Variants in MAP7 observed in about 807,000 individuals in gnomAD.
The protein encoded by MAP7 is microtubule associated protein 7.
A neutral mutation model predicts 94.8 loss-of-function variants in MAP7; 52 were observed. That is an observed-to-expected ratio of 0.55 (90% CI 0.44 to 0.69). MAP7 has a LOEUF of 0.69. Ranked by LOEUF, MAP7 falls within the 30% of genes least tolerant of loss-of-function variation. The pLI is 0.00. For synonymous variants in MAP7, 350 were observed against 357.0 expected (o/e 0.98, Z 0.22); for missense variants, 940 against 964.6 (o/e 0.97, Z 0.34).
At chr6:136,501,443 G>A (rs73777916) in intron 1 of MAP7, among the ~76,000 whole-genome samples, 6,627 of 152,132 alleles carry the variant, frequency 0.044, 455 homozygotes, top group African/African-American at 0.15. Context: ...TGTAAAATGG[G>A]GTAAATACCT....
intron 2 of MAP7, among the ~76,000 whole-genome samples, chr6:136,416,154 T>C (rs1789333275): frequency 6.6e-6 from 1 of 152,198 alleles, no homozygotes. Flanking sequence ...TCGGGCTGTA[T>C]GTGGTAGAAA....
intron 1 of MAP7, among the ~76,000 whole-genome samples, chr6:136,541,922 G>A (rs1829355753): frequency 6.6e-6 from 1 of 152,128 alleles, no homozygotes; most frequent in African/African-American, 2.4e-5. Context: ...AGCTGGGCAT[G>A]GTGGTGGGCA....
chr6:136,427,476 T>C (rs560186590), intron 1 of MAP7, among the ~76,000 whole-genome samples: 10 of 152,348 alleles, frequency 6.6e-5, no homozygotes, highest in African/African-American at 2.4e-4. Context: ...ATGTCAAAAA[T>C]AGTGCAGTCT....
intron 1 of MAP7, among the ~76,000 whole-genome samples, chr6:136,454,831 C>T (rs776967786): frequency 1.3e-5 from 2 of 151,864 alleles, no homozygotes; most frequent in Non-Finnish European, 2.9e-5. Context: ...CTCAGGAGTT[C>T]GGGACTACAG....
chr6:136,359,359 A>G (rs934309870), intron 15 of MAP7, among the ~76,000 whole-genome samples: 34 of 152,220 alleles, frequency 2.2e-4, no homozygotes, highest in Admixed American at 1.3e-3. Context: ...GATAAATAAC[A>G]TTTAAATCAT....
intron 1 of MAP7, among the ~76,000 whole-genome samples, chr6:136,541,521 T>C (rs755164034): frequency 3.3e-5 from 5 of 152,172 alleles, no homozygotes; most frequent in Admixed American, 2.0e-4. Flanking sequence ...TAAAGATATA[T>C]CATTTACTAA....
intron 3 of MAP7, among the ~76,000 whole-genome samples, chr6:136,398,380 G>A (rs1416725585): frequency 6.6e-6 from 1 of 152,162 alleles, no homozygotes; most frequent in East Asian, 1.9e-4. Flanking sequence ...TACATTGCAG[G>A]GATTCAATAA....
intron 5 of MAP7, among the ~76,000 whole-genome samples, chr6:136,387,745 T>G (rs1246486210): frequency 6.6e-6 from 1 of 150,790 alleles, no homozygotes; most frequent in Non-Finnish European, 1.5e-5. Context: ...TCAAAGCAAA[T>G]TTAAAAAAAA....
At chr6:136,468,992 GT>G (rs964945139) in intron 1 of MAP7, among the ~76,000 whole-genome samples, 63 of 146,656 alleles carry the variant, frequency 4.3e-4, no homozygotes, top group Middle Eastern at 3.5e-3. Flanking sequence ...GTTTTTTGTT[GT>G]TTTTTTTTTT....
intron 3 of MAP7, among the ~76,000 whole-genome samples, chr6:136,402,539 G>T (rs1382294094): frequency 6.6e-6 from 1 of 152,170 alleles, no homozygotes; most frequent in East Asian, 1.9e-4. Context: ...TGGGGTTGAG[G>T]TGCTAGAATA....
intron 1 of MAP7, among the ~76,000 whole-genome samples, chr6:136,450,092 G>A (rs1348422837): frequency 6.6e-6 from 1 of 152,196 alleles, no homozygotes; most frequent in Non-Finnish European, 1.5e-5. Context: ...AGAAGGCTGA[G>A]GCAGTAGCTT....
chr6:136,442,913 G>A (rs1013598523), intron 1 of MAP7, among the ~76,000 whole-genome samples: 4 of 152,054 alleles, frequency 2.6e-5, no homozygotes, highest in Non-Finnish European at 4.4e-5. Context: ...AAGTCAGGCT[G>A]AATCCCTTCT....
At chr6:136,448,178 C>T (rs74924003) in intron 1 of MAP7, among the ~76,000 whole-genome samples, 3 of 151,638 alleles carry the variant, frequency 2.0e-5, no homozygotes, top group Non-Finnish European at 4.4e-5. Flanking sequence ...GCCGACACAG[C>T]GAGACTCTGT....
intron 1 of MAP7, among the ~76,000 whole-genome samples, chr6:136,540,492 C>T (rs974533352): frequency 2.6e-5 from 4 of 152,180 alleles, no homozygotes; most frequent in African/African-American, 9.7e-5. Context: ...AATGTGCGTA[C>T]ATGTGGACAC....
At chr6:136,534,746 T>C (rs1828743024) in intron 1 of MAP7, among the ~76,000 whole-genome samples, 1 of 152,224 alleles carries the variant, frequency 6.6e-6, no homozygotes, top group African/African-American at 2.4e-5. Flanking sequence ...ATGATCACCC[T>C]TTGAGAATCA....
At chr6:136,510,194 T>C (rs1170700821) in intron 1 of MAP7, among the ~76,000 whole-genome samples, 3 of 152,168 alleles carry the variant, frequency 2.0e-5, no homozygotes, top group South Asian at 4.2e-4. Context: ...AAGAGTGACA[T>C]ACAGTAGACA....
At chr6:136,354,395 TATATATATAGTAGATATATATAAAA>T (rs1169897075) in intron 16 of MAP7, among the ~76,000 whole-genome samples, 2 of 144,752 alleles carry the variant, frequency 1.4e-5, no homozygotes, top group Non-Finnish European at 1.5e-5. Context: ...ATAGTAGATA[TATATATATAGTAGATATATATAAAA>T]ATATATATAG....
chr6:136,414,201 C>T (rs532726489), intron 2 of MAP7, among the ~76,000 whole-genome samples: 146 of 127,806 alleles, frequency 1.1e-3, no homozygotes, highest in Non-Finnish European at 1.9e-3. Context: ...TGCAGTGAGC[C>T]GAGATCGCGC....
At chr6:136,389,643 A>C in intron 3 of MAP7, 126 bp from the exon 4 acceptor site, 1 of 793,736 alleles carries the variant, frequency 1.3e-6, no homozygotes, top group Admixed American at 2.6e-5. Context: ...GTTTTGTATT[A>C]ACCAAGCATG....
Sources: gnomAD v4.1 joint callset for allele counts (sites outside exome capture counted in the v4.1 genomes callset) on GRCh38, gnomAD v4.1.1 for gene constraint, MANE v1.5 for transcripts, NCBI Gene and HGNC (gene_info 2026-07-23, HGNC 2026-07-21) for gene names.